Variants in COL22A1 observed in about 807,000 individuals in gnomAD.
COL22A1 encodes the protein collagen alpha-1(XXII) chain.
Under a neutral mutation model 248.9 loss-of-function variants are expected in COL22A1, and 221 were observed. The observed-to-expected ratio is 0.89, with a 90% confidence interval of 0.80 to 0.99. The LOEUF (loss-of-function observed/expected upper bound fraction) is 0.99, where lower values mean the gene tolerates loss of function less well. Among genes scored for constraint, COL22A1 ranks in the 50% least tolerant of loss-of-function variants. The pLI is 0.00. For missense variants in COL22A1, 2,240 were observed against 2,179.0 expected, an observed-to-expected ratio of 1.03 and a Z score of -0.56; for synonymous variants, 891 against 793.4, an observed-to-expected ratio of 1.12 and a Z score of -2.07.
intron 10 of COL22A1, among the ~76,000 whole-genome samples, 183 bp from the exon 11 acceptor site, chr8:138,803,117 C>G (rs1319534325): frequency 1.3e-5 from 2 of 152,168 alleles, no homozygotes; most frequent in Non-Finnish European, 2.9e-5. Flanking sequence ...AAGTCATCTC[C>G]CAACATCACA....
intron 16 of COL22A1, among the ~76,000 whole-genome samples, chr8:138,771,667 A>C (rs2131462497): frequency 6.6e-6 from 1 of 152,366 alleles, no homozygotes; most frequent in South Asian, 2.1e-4. Flanking sequence ...ATTTCTCTTG[A>C]AGCAAGTGGG....
At chr8:138,905,988 C>T (rs1056183032) in intron 1 of COL22A1, among the ~76,000 whole-genome samples, 23 of 152,166 alleles carry the variant, frequency 1.5e-4, no homozygotes, top group African/African-American at 5.1e-4. Context: ...GTGAAGACTT[C>T]GCTGATATAC....
chr8:138,727,731 A>T (rs954534277), intron 23 of COL22A1, among the ~76,000 whole-genome samples: 4 of 152,126 alleles, frequency 2.6e-5, no homozygotes, highest in African/African-American at 4.8e-5. Flanking sequence ...CCGTCCTGGC[A>T]AGTCTTAGGG....
intron 16 of COL22A1, among the ~76,000 whole-genome samples, chr8:138,767,826 C>T (rs1834028463): frequency 6.6e-6 from 1 of 152,202 alleles, no homozygotes; most frequent in Middle Eastern, 3.2e-3. Flanking sequence ...AGAAAACCGC[C>T]GGCTGCCCGT....
At chr8:138,846,861 C>T (rs1179511146) in intron 3 of COL22A1, among the ~76,000 whole-genome samples, 2 of 152,238 alleles carry the variant, frequency 1.3e-5, no homozygotes, top group African/African-American at 4.8e-5. Flanking sequence ...ATGAGAGAGA[C>T]ATCCTATTCC....
rs151319854 is a variant in COL22A1, at chr8:138,644,472, C to T, written c.3501+2157G>A. ...AATAAAAATAAAATCCTAGGCCCCC[C>T]AACCAACTGTACAGACCCCCTCTTG... is the stretch of plus-strand genomic sequence containing the variant. On this transcript the variant is annotated intron_variant, in intron 47 of 64. Coordinates refer to ENST00000303045, the MANE Select transcript of COL22A1 (RefSeq NM_152888.3). 7.2e-3 allele frequency among the ~76,000 whole-genome samples: 1,093 copies of T among 151,672 alleles called. 11 individuals are homozygous for T. Among genetic ancestry groups the T allele is most frequent in the African/African-American group, 0.025 (1,044 of 41,318 alleles).
At chr8:138,650,223 C>T in intron 45 of COL22A1, among the ~76,000 whole-genome samples, 1 of 152,176 alleles carries the variant, frequency 6.6e-6, no homozygotes, top group East Asian at 1.9e-4. Context: ...TCTGCATTTG[C>T]CCGTCAAGTG....
At chr8:138,603,882 G>A (rs895256091) in intron 59 of COL22A1, among the ~76,000 whole-genome samples, 4 of 152,156 alleles carry the variant, frequency 2.6e-5, no homozygotes, top group African/African-American at 2.4e-5. Context: ...GCCTTGAAAC[G>A]GAGAAGCTAA....
At position 138,630,745 on chromosome 8, in the gene COL22A1, C is replaced by T. The variant is rs369720357; in HGVS notation, c.3613G>A (p.Ala1205Thr). 1.7e-5 allele frequency: 27 copies of T among 1,613,692 alleles called. No homozygotes were observed. Among genetic ancestry groups the T allele is most frequent in the Non-Finnish European group, 2.3e-5 (27 of 1,179,804 alleles). Reference protein sequence around the residue: ...GPPGNPGPPGADGIAGAAGPP... With the variant: ...GPPGNPGPPGTDGIAGAAGPP... ...CCAGCAGCTCCTGCAATTCCATCTG[C>T]CCCCTAAAAAAGACAAGGCAGAAAG... Residue 1205 changes from alanine to threonine, a missense_variant, in exon 50 of 65, where the codon GCA becomes ACA. Physicochemically the swap from Ala to Thr is moderately conservative, Grantham distance 58. Coordinates refer to ENST00000303045, the MANE Select transcript of COL22A1 (RefSeq NM_152888.3).
At chr8:138,904,427 T>C (rs1452820065) in intron 1 of COL22A1, among the ~76,000 whole-genome samples, 1 of 152,040 alleles carries the variant, frequency 6.6e-6, no homozygotes, top group Non-Finnish European at 1.5e-5. Flanking sequence ...GCAGCACAGA[T>C]GGGAGGATGC....
At chr8:138,788,165 T>G (rs1324333164) in intron 12 of COL22A1, among the ~76,000 whole-genome samples, 3 of 152,186 alleles carry the variant, frequency 2.0e-5, no homozygotes, top group African/African-American at 7.2e-5. Flanking sequence ...GAAGGGCAAC[T>G]TCTCAGGCCC....
At chr8:138,912,538 G>A (rs1282689610) in intron 1 of COL22A1, among the ~76,000 whole-genome samples, 4 of 152,102 alleles carry the variant, frequency 2.6e-5, no homozygotes, top group Non-Finnish European at 5.9e-5. Flanking sequence ...GTCGGGAGTT[G>A]GAGACCAGTC....
intron 12 of COL22A1, among the ~76,000 whole-genome samples, chr8:138,784,809 C>G (rs1194293770): frequency 2.0e-5 from 3 of 152,252 alleles, no homozygotes; most frequent in Middle Eastern, 3.4e-3. Flanking sequence ...AACAAAGTCA[C>G]AGACAGCTGA....
intron 30 of COL22A1, among the ~76,000 whole-genome samples, chr8:138,707,172 G>C (rs893576279): frequency 1.1e-4 from 16 of 152,120 alleles, no homozygotes; most frequent in Non-Finnish European, 2.2e-4. Context: ...AACAGTCCAG[G>C]ACCAGATGCA....
chr8:138,691,005 T>A, intron 35 of COL22A1, 131 bp from the exon 36 acceptor site: 3 of 657,608 alleles, frequency 4.6e-6, no homozygotes, highest in Non-Finnish European at 7.5e-6. Context: ...TGACAGCCTC[T>A]GCAGACGTGA....
intron 16 of COL22A1, among the ~76,000 whole-genome samples, chr8:138,772,127 G>A (rs908840183): frequency 2.6e-5 from 4 of 152,134 alleles, no homozygotes; most frequent in Admixed American, 2.6e-4. Flanking sequence ...TCGCCAAAAA[G>A]TCCCATTCCA....
At position 138,762,422 on chromosome 8, in the gene COL22A1, T is replaced by C; in HGVS notation, c.1848A>G (p.Thr616=). 6.2e-7 allele frequency: 1 copy of C among 1,614,126 alleles called. No homozygotes were observed. The highest frequency in any genetic ancestry group is 8.5e-7 in the Non-Finnish European group (1 of 1,180,000). Reference sequence around the variant, plus strand: ...GCCAGCACCCACCTACCTGCTGTCCTGTGTCCCCAGGCTTCCCAGGGAATC... The same window carrying C: ...GCCAGCACCCACCTACCTGCTGTCCCGTGTCCCCAGGCTTCCCAGGGAATC... The part of the protein sequence containing the change: ...LDGFPGKPGD[T]GQQGRPGPSG... The change falls in exon 17 of 65, where the codon ACA becomes ACG. Residue 616 remains threonine, a synonymous_variant. Coordinates refer to ENST00000303045, the MANE Select transcript of COL22A1 (RefSeq NM_152888.3).
intron 52 of COL22A1, among the ~76,000 whole-genome samples, chr8:138,621,702 A>G (rs1819813577): frequency 6.6e-6 from 1 of 152,144 alleles, no homozygotes; most frequent in Non-Finnish European, 1.5e-5. Context: ...TAGTTTCCTC[A>G]TCTGGGAGAA....
intron 27 of COL22A1, among the ~76,000 whole-genome samples, chr8:138,717,853 T>C (rs536336958): frequency 6.6e-6 from 1 of 152,332 alleles, no homozygotes; most frequent in Non-Finnish European, 1.5e-5. Context: ...ATGATGGTGG[T>C]GGTGAGCGCG....
Sources: allele counts gnomAD v4.1 joint callset (sites outside exome capture counted in the v4.1 genomes callset), GRCh38; gene constraint gnomAD v4.1.1; transcripts MANE v1.5; gene names NCBI Gene and HGNC (gene_info 2026-07-23, HGNC 2026-07-21).